CPED1: variants seen among roughly 807,000 people sequenced by gnomAD.
CPED1 encodes cadherin like and PC-esterase domain containing 1.
Under a neutral mutation model 128.2 loss-of-function variants are expected in CPED1, and 114 were observed. The observed-to-expected ratio is 0.89, with a 90% CI of 0.76 to 1.04. The LOEUF (loss-of-function observed/expected upper bound fraction) is 1.04, where lower values mean the gene tolerates loss of function less well. CPED1 is among the 50% of genes least tolerant of loss of function. CPED1 has a pLI of 0.00. For missense variants in CPED1, 1,211 were observed against 1,207.1 expected, an observed-to-expected ratio of 1.00 and a Z score of -0.05; for synonymous variants, 462 against 426.7, an observed-to-expected ratio of 1.08 and a Z score of -1.02.
chr7:121,156,795 TAA>T (rs141337957), intron 16 of CPED1, among the ~76,000 whole-genome samples: 15,507 of 152,034 alleles, frequency 0.1, 815 homozygotes, highest in South Asian at 0.17. Context: ...TTTGTCTAAA[TAA>T]AAAAATTAAA....
intron 7 of CPED1, among the ~76,000 whole-genome samples, chr7:121,103,437 C>G (rs1794900288): frequency 1.3e-5 from 2 of 152,084 alleles, no homozygotes; most frequent in South Asian, 4.2e-4. Flanking sequence ...ATTTATTTAC[C>G]CTTCAACTGA....
At chr7:121,234,782 T>G (rs749686933) in intron 16 of CPED1, among the ~76,000 whole-genome samples, 2 of 152,104 alleles carry the variant, frequency 1.3e-5, no homozygotes, top group African/African-American at 2.4e-5. Context: ...AAATCAATAT[T>G]TAGTACATTG....
intron 22 of CPED1, among the ~76,000 whole-genome samples, chr7:121,279,804 G>T (rs1404949091): frequency 6.6e-6 from 1 of 152,136 alleles, no homozygotes; most frequent in Non-Finnish European, 1.5e-5. Context: ...GTATAGTAAA[G>T]AATAAATTAA....
rs113289869 is a variant in CPED1 at position 121,126,163 on chromosome 7, T to C, written c.1134+271T>C. ...GAAATAAATGTGGTATGAAGTCAAG[T>C]ATGCATTAAAGGAAAAAAGAGGATG... On this transcript the variant is annotated intron_variant, in intron 9 of 22. Coordinates refer to ENST00000310396, the MANE Select transcript of CPED1 (RefSeq NM_024913.5). 3.7e-4 allele frequency among the ~76,000 whole-genome samples: 56 copies of C among 152,280 alleles called. 1 individual carries two copies. Among genetic ancestry groups the C allele is most frequent in the African/African-American group, 1.3e-3 (52 of 41,572 alleles).
At chr7:121,185,197 G>C (rs898150509) in intron 16 of CPED1, among the ~76,000 whole-genome samples, 3 of 152,058 alleles carry the variant, frequency 2.0e-5, no homozygotes, top group African/African-American at 7.2e-5. Flanking sequence ...ACAGTAGAAG[G>C]TTCCTGGAAA....
intron 2 of CPED1, among the ~76,000 whole-genome samples, chr7:121,008,089 T>G (rs1000630676): frequency 4.6e-5 from 7 of 152,104 alleles, no homozygotes; most frequent in African/African-American, 1.7e-4. Context: ...AAGTCTCGCC[T>G]TCTGAAATTC....
At chr7:121,174,590 C>T (rs1219955774) in intron 16 of CPED1, among the ~76,000 whole-genome samples, 2 of 151,502 alleles carry the variant, frequency 1.3e-5, no homozygotes, top group Non-Finnish European at 2.9e-5. Context: ...ATGTGTCTGT[C>T]TTTGTACCAG....
intron 16 of CPED1, among the ~76,000 whole-genome samples, chr7:121,226,201 G>A (rs111300964): frequency 2.1e-4 from 32 of 152,096 alleles, no homozygotes; most frequent in African/African-American, 6.3e-4. Flanking sequence ...GGTGCTATTC[G>A]TTTCTGTTCG....
At chr7:121,022,424 A>C (rs1796367447) in intron 3 of CPED1, among the ~76,000 whole-genome samples, 3 of 151,932 alleles carry the variant, frequency 2.0e-5, no homozygotes, top group Admixed American at 2.0e-4. Flanking sequence ...GTCCATTTTT[A>C]AGAATTTTAC....
At chr7:121,091,563 T>C (rs1167683944) in intron 5 of CPED1, among the ~76,000 whole-genome samples, 3 of 152,160 alleles carry the variant, frequency 2.0e-5, no homozygotes, top group Non-Finnish European at 2.9e-5. Flanking sequence ...TTCTAGATTA[T>C]TAAAAAATCT....
chr7:121,069,218 G>T (rs1321201611), intron 5 of CPED1, among the ~76,000 whole-genome samples: 2 of 152,124 alleles, frequency 1.3e-5, no homozygotes, highest in Non-Finnish European at 2.9e-5. Flanking sequence ...CAATTTCAGA[G>T]AGGAATACCT....
chr7:121,077,759 C>T (rs1482822185), intron 5 of CPED1, among the ~76,000 whole-genome samples: 2 of 151,344 alleles, frequency 1.3e-5, no homozygotes, highest in Non-Finnish European at 2.9e-5. Flanking sequence ...AATAGATACA[C>T]TTACATATTT....
intron 3 of CPED1, among the ~76,000 whole-genome samples, chr7:121,022,831 A>G (rs904840505): frequency 2.6e-5 from 4 of 152,076 alleles, no homozygotes; most frequent in African/African-American, 9.7e-5. Flanking sequence ...TCTGTAGTTT[A>G]TTTCTTAGTG....
intron 10 of CPED1, among the ~76,000 whole-genome samples, chr7:121,127,598 C>T (rs1235751287): frequency 1.1e-4 from 16 of 147,644 alleles, no homozygotes; most frequent in African/African-American, 3.5e-4. Flanking sequence ...TGCAGTGGCA[C>T]GATCTTGACT....
At chr7:121,198,646 C>G (rs1474626228) in intron 16 of CPED1, among the ~76,000 whole-genome samples, 3 of 152,128 alleles carry the variant, frequency 2.0e-5, no homozygotes, top group African/African-American at 7.2e-5. Flanking sequence ...CTGAAATTCA[C>G]TACGCCAGAG....
intron 18 of CPED1, among the ~76,000 whole-genome samples, chr7:121,251,125 G>A (rs1329470283): frequency 6.6e-6 from 1 of 152,154 alleles, no homozygotes; most frequent in Non-Finnish European, 1.5e-5. Context: ...CCATGATCAA[G>A]TGGGCTTCAT....
chr7:121,207,432 A>C (rs1797546452), intron 16 of CPED1, among the ~76,000 whole-genome samples: 1 of 152,090 alleles, frequency 6.6e-6, no homozygotes, highest in African/African-American at 2.4e-5. Flanking sequence ...TATTCATCCC[A>C]GTCCTGTGAC....
At chr7:121,007,213 C>T (rs967396710) in intron 2 of CPED1, among the ~76,000 whole-genome samples, 6 of 146,996 alleles carry the variant, frequency 4.1e-5, no homozygotes, top group Non-Finnish European at 7.4e-5. Context: ...TGAAGCGTTG[C>T]GAAACTGTTC....
At chr7:121,091,089 A>ATT (rs1473000946) in intron 5 of CPED1, among the ~76,000 whole-genome samples, 2 of 152,150 alleles carry the variant, frequency 1.3e-5, no homozygotes, top group Admixed American at 1.3e-4. Context: ...ACTACAAGCT[A>ATT]TTTCTGTTTT....
Sources: gnomAD v4.1 joint callset for allele counts (sites outside exome capture counted in the v4.1 genomes callset) on GRCh38, gnomAD v4.1.1 for gene constraint, MANE v1.5 for transcripts, NCBI Gene and HGNC (gene_info 2026-07-23, HGNC 2026-07-21) for gene names.